Variants in NEGR1 observed in about 807,000 individuals in gnomAD.
The protein encoded by NEGR1 is IgLON family member 4.
A neutral mutation model predicts 40.9 loss-of-function variants in NEGR1; 10 were observed. The observed-to-expected ratio is 0.24, with a 90% confidence interval of 0.15 to 0.42. The LOEUF is 0.42. Ranked by LOEUF, NEGR1 falls within the 10% of genes least tolerant of loss-of-function variation. NEGR1 has a pLI of 1.00. For synonymous variants in NEGR1, 185 were observed against 166.8 expected (o/e 1.11, Z -0.84); for missense variants, 352 against 438.9 (o/e 0.80, Z 1.77).
chr1:71,807,802 A>C (rs1335593086), intron 2 of NEGR1, among the ~76,000 whole-genome samples: 1 of 152,196 alleles, frequency 6.6e-6, no homozygotes, highest in Non-Finnish European at 1.5e-5. Flanking sequence ...TCTGCAACTG[A>C]GAGGGAAACA....
intron 4 of NEGR1, among the ~76,000 whole-genome samples, chr1:71,636,767 TG>T (rs1184641997): frequency 1.3e-5 from 2 of 152,082 alleles, no homozygotes; most frequent in African/African-American, 4.8e-5. Flanking sequence ...TGCTATTCAA[TG>T]GAGACCTTAA....
chr1:71,475,467 G>C (rs357246), intron 6 of NEGR1, among the ~76,000 whole-genome samples: 8,189 of 151,998 alleles, frequency 0.054, 695 homozygotes, highest in African/African-American at 0.19. Flanking sequence ...AAACATACTT[G>C]ATATATTTGT....
intron 1 of NEGR1, among the ~76,000 whole-genome samples, chr1:72,090,896 T>C (rs1363614755): frequency 6.6e-6 from 1 of 152,174 alleles, no homozygotes; most frequent in Non-Finnish European, 1.5e-5. Context: ...AAGCTGATAT[T>C]CCATAAAATA....
chr1:71,647,320 ACAT>A (rs897070788), intron 4 of NEGR1, among the ~76,000 whole-genome samples: 4 of 151,920 alleles, frequency 2.6e-5, no homozygotes, highest in African/African-American at 7.2e-5. Context: ...GGGGTCCTTA[ACAT>A]AGCCTTACAA....
chr1:71,749,472 T>C (rs1398719627), intron 3 of NEGR1, among the ~76,000 whole-genome samples: 1 of 152,250 alleles, frequency 6.6e-6, no homozygotes, highest in Non-Finnish European at 1.5e-5. Context: ...GCAGCACTTA[T>C]ATCATATTTG....
At chr1:71,933,315 T>C (rs1169519419) in intron 2 of NEGR1, among the ~76,000 whole-genome samples, 1 of 152,048 alleles carries the variant, frequency 6.6e-6, no homozygotes, top group African/African-American at 2.4e-5. Flanking sequence ...ACCGATAGTC[T>C]GGGTATTTAA....
intron 6 of NEGR1, among the ~76,000 whole-genome samples, chr1:71,415,880 A>C (rs1450218289): frequency 6.6e-6 from 1 of 152,104 alleles, no homozygotes; most frequent in Non-Finnish European, 1.5e-5. Context: ...GTTTCTATGT[A>C]AGCGTCTTGA....
intron 4 of NEGR1, among the ~76,000 whole-genome samples, chr1:71,681,886 G>A (rs1452081265): frequency 1.3e-5 from 2 of 152,080 alleles, no homozygotes; most frequent in East Asian, 3.9e-4. Flanking sequence ...GTGTGCAGTG[G>A]TGTGATCTCA....
At position 71,823,406 on chromosome 1, in the gene NEGR1, G is replaced by A. The variant is rs142773453; in HGVS notation, c.410-47109C>T. Among the ~76,000 whole-genome samples the A allele has an allele frequency of 1.3e-3, 190 of 151,962 alleles. 1 individual carries two copies. Among genetic ancestry groups the A allele is most frequent in the African/African-American group, 4.3e-3 (180 of 41,494 alleles). On this transcript the variant is annotated intron_variant, in intron 2 of 6. Coordinates refer to ENST00000357731, the MANE Select transcript of NEGR1 (RefSeq NM_173808.3). ...TATATCCTTTCTCTCATTTTGGGTA[G>A]AAGAAACTGTGATAGGGAATTGAAG...
intron 6 of NEGR1, among the ~76,000 whole-genome samples, chr1:71,550,172 C>T (rs1379134990): frequency 1.3e-5 from 2 of 151,580 alleles, no homozygotes; most frequent in Non-Finnish European, 3.0e-5. Context: ...TCCTTTGCCA[C>T]TCATGTGTTG....
chr1:71,695,280 A>G (rs1000460955), intron 4 of NEGR1, among the ~76,000 whole-genome samples: 10 of 151,824 alleles, frequency 6.6e-5, no homozygotes, highest in Non-Finnish European at 1.3e-4. Context: ...TTCATGGAAC[A>G]TTTGGAAAAG....
In NEGR1 at chr1:72,024,813, G is replaced by A. The variant is rs76397177; in HGVS notation, c.177-89502C>T. ...ATGCTTCAAGCTCCCTAAACCTGAC[G>A]ATTACAAATCTTTAAAACCTCTTTA... On this transcript the variant is annotated intron_variant, in intron 1 of 6. Coordinates refer to ENST00000357731, the MANE Select transcript of NEGR1 (RefSeq NM_173808.3). 9.7e-3 allele frequency among the ~76,000 whole-genome samples: 1,482 copies of A among 152,224 alleles called. 15 individuals carry two copies. The highest frequency in any genetic ancestry group is 0.037 in the Middle Eastern group (11 of 294).
chr1:71,970,815 G>T (rs1294371769), intron 1 of NEGR1, among the ~76,000 whole-genome samples: 3 of 152,100 alleles, frequency 2.0e-5, no homozygotes, highest in African/African-American at 7.2e-5. Flanking sequence ...AATATGTACC[G>T]ATCATTGTAT....
chr1:71,667,079 G>T (rs1652268868), intron 4 of NEGR1, among the ~76,000 whole-genome samples: 1 of 152,144 alleles, frequency 6.6e-6, no homozygotes, highest in Admixed American at 6.6e-5. Context: ...AAAGAAATGT[G>T]AGCAGGGCTG....
chr1:71,789,944 C>G (rs1369029198), intron 2 of NEGR1, among the ~76,000 whole-genome samples: 2 of 152,082 alleles, frequency 1.3e-5, no homozygotes, highest in African/African-American at 2.4e-5. Context: ...TTATTCACGG[C>G]TACTACTGTA....
At chr1:72,006,254 GCT>G (rs1443581409) in intron 1 of NEGR1, among the ~76,000 whole-genome samples, 5 of 152,080 alleles carry the variant, frequency 3.3e-5, no homozygotes, top group Non-Finnish European at 5.9e-5. Context: ...AGTATTTCCA[GCT>G]CTGTCAGCCC....
At chr1:71,468,258 CTA>C (rs1646759321) in intron 6 of NEGR1, 1 of 151,900 alleles carries the variant, frequency 6.6e-6, no homozygotes, top group Admixed American at 6.6e-5. Context: ...CTAACTCTAA[CTA>C]TTAATGAATT....
chr1:71,986,205 C>CA (rs1646392404), intron 1 of NEGR1, among the ~76,000 whole-genome samples: 1 of 152,100 alleles, frequency 6.6e-6, no homozygotes, highest in Non-Finnish European at 1.5e-5. Context: ...GCTACAAAAA[C>CA]ATTTAATCCT....
chr1:71,580,520 G>C (rs1036305547), intron 6 of NEGR1, among the ~76,000 whole-genome samples: 2 of 152,186 alleles, frequency 1.3e-5, no homozygotes, highest in Middle Eastern at 3.4e-3. Context: ...AGGTAGGCAT[G>C]AGTTTATCAT....
Sources: allele counts gnomAD v4.1 joint callset (sites outside exome capture counted in the v4.1 genomes callset), GRCh38; gene constraint gnomAD v4.1.1; transcripts MANE v1.5; gene names NCBI Gene and HGNC (gene_info 2026-07-23, HGNC 2026-07-21).